Variants in SRSF7 observed in about 807,000 individuals in gnomAD.
SRSF7 encodes serine and arginine rich splicing factor 7.
A neutral mutation model predicts 42.2 loss-of-function variants in SRSF7; 15 were observed. That is an observed-to-expected ratio of 0.36 (90% confidence interval 0.24 to 0.55). SRSF7 has a LOEUF of 0.55. Among genes scored for constraint, SRSF7 ranks in the 20% least tolerant of loss-of-function variants. The probability of loss-of-function intolerance (pLI) is 0.88; values close to 1 mark genes in which losing one functional copy is unlikely to be tolerated. For missense variants in SRSF7, 181 were observed against 305.9 expected (o/e 0.59, Z 3.04); for synonymous variants, 138 against 107.9 (o/e 1.28, Z -1.73).
intron 2 of SRSF7, 21 bp from the exon 3 acceptor site, chr2:38,749,726 A>G: frequency 5.3e-6 from 8 of 1,520,518 alleles, no homozygotes; most frequent in Non-Finnish European, 7.0e-6. Flanking sequence ...CAAATTAACA[A>G]AATTCTAAAG....
At position 38,745,104 on chromosome 2, in the gene SRSF7, C is replaced by G; in HGVS notation, c.*29G>C. On this transcript the variant is annotated 3_prime_UTR_variant, in exon 8 of 8. Transcript: ENST00000313117. ...CCTTATAATAATGTAAACAAAATAA[C>G]TTTTCCCTAAAGGGTGAACTTGAGA... The G allele has an allele frequency of 1.2e-6, 2 of 1,612,376 alleles. No homozygotes were observed. The highest frequency in any genetic ancestry group is 1.7e-6 in the Non-Finnish European group (2 of 1,178,802).
chr2:38,749,651 T>A lies in SRSF7; in HGVS notation c.264A>T (p.Arg88Ser). Residue 88 changes from arginine (R) to serine (S), a missense_variant, in exon 3 of 8, where the codon AGA becomes AGT. Physicochemically the swap from Arg to Ser is moderately radical, Grantham distance 110. Around this residue, in one of 2 missense-constraint regions of SRSF7, gnomAD observed 45 missense variants for 158.1 expected, o/e 0.28. Coordinates refer to ENST00000313117, the MANE Select transcript of SRSF7 (RefSeq NM_001031684.3). Reference protein sequence around the residue: ...RVELSTGMPRRSRFDRPPARR... With the variant: ...RVELSTGMPRSSRFDRPPARR... ...GGGCAGGTGGTCTATCAAAACGTGA[T>A]CTCCGAGGCATGCCTGTCGATAGTT... The A allele has an allele frequency of 6.2e-7, 1 of 1,600,108 alleles. No homozygotes were observed. Among genetic ancestry groups the A allele is most frequent in the Non-Finnish European group, 8.5e-7 (1 of 1,176,150 alleles).
At chr2:38,750,250 C>T in intron 1 of SRSF7, 56 bp from the exon 2 acceptor site, 2 of 1,523,772 alleles carry the variant, frequency 1.3e-6, no homozygotes, top group Non-Finnish European at 1.8e-6. Context: ...GCCCAAGTTT[C>T]AATTACTTAT....
chr2:38,751,362 G>A (rs572433196), upstream of SRSF7: 23 of 1,507,110 alleles, frequency 1.5e-5, no homozygotes, highest in African/African-American at 8.2e-5. Flanking sequence ...GCGGCACTAC[G>A]AGGAAGAGCC....
chr2:38,750,274 G>A, intron 1 of SRSF7, 80 bp from the exon 2 acceptor site: 2 of 1,351,836 alleles, frequency 1.5e-6, no homozygotes, highest in East Asian at 2.3e-5. Context: ...CCTTAAAACG[G>A]GCCATCCTCA....
intron 5 of SRSF7, chr2:38,747,152 C>A: frequency 2.1e-6 from 1 of 470,846 alleles, no homozygotes; most frequent in South Asian, 1.6e-5. Context: ...TGAAAATAAC[C>A]AGACCCCTGA....
rs147806516 is a variant in SRSF7 at position 38,748,168 on chromosome 2, G to A, written c.462-11C>T. On this transcript the variant is annotated splice_polypyrimidine_tract_variant and intron_variant, in intron 4 of 7. Coordinates refer to ENST00000313117, the MANE Select transcript of SRSF7 (RefSeq NM_001031684.3). ...GATGCTGACCTTGACCTAAAATAAA[G>A]AACTTTAAGTCCATCTCCACAGTTT... 5.1e-6 allele frequency: 8 copies of A among 1,565,486 alleles called. No individual in the cohort carries two copies. The highest frequency in any genetic ancestry group is 2.2e-5 in the East Asian group (1 of 44,460).
Position 38,744,927 on chromosome 2 carries a change from T to TA in SRSF7, c.*205dup. 2.1e-6 allele frequency: 1 copy of TA among 477,274 alleles called. No homozygotes were observed. Among genetic ancestry groups the TA allele is most frequent in the Non-Finnish European group, 3.6e-6 (1 of 275,364 alleles). 29.6% of individuals were successfully genotyped at this position (477,274 alleles called of 1,614,324 possible). A position where few individuals can be genotyped will look rare whatever the true frequency, so the allele number is the denominator to read the frequency against. On this transcript the variant is annotated 3_prime_UTR_variant, in exon 8 of 8. Transcript: ENST00000313117. ...AAACATTTTATTTAAATGTGCCAAA[T>TA]AAAAACCCACATTTTCAGACCATAT...
chr2:38,749,349 G>A, intron 3 of SRSF7, 180 bp downstream of exon 3: 2 of 1,536,840 alleles, frequency 1.3e-6, no homozygotes, highest in Non-Finnish European at 1.8e-6. Flanking sequence ...GAAGAAACCT[G>A]AAAGGTTTTG....
At chr2:38,746,064 G>T in intron 7 of SRSF7, 80 bp downstream of exon 7, 1 of 1,416,628 alleles carries the variant, frequency 7.1e-7, no homozygotes. Context: ...AGAGCTCAAA[G>T]ACTGCAAAGC....
chr2:38,748,723 G>C, intron 3 of SRSF7, 70 bp from the exon 4 acceptor site: 2 of 1,473,588 alleles, frequency 1.4e-6, no homozygotes, highest in Non-Finnish European at 1.9e-6. Context: ...GTGTGCCTCT[G>C]CTGAAATCAA....
chr2:38,746,829 G>A, intron 5 of SRSF7, 82 bp from the exon 6 acceptor site: 1 of 1,583,518 alleles, frequency 6.3e-7, no homozygotes, highest in Non-Finnish European at 8.6e-7. Context: ...TATTAGGTTG[G>A]TCAGGCATAA....
rs1201671154 is a variant in SRSF7 at position 38,745,189 on chromosome 2, T to G, written c.663-2A>C. On this transcript the variant is annotated splice_acceptor_variant, in intron 7 of 7. Transcript: ENST00000313117. LOFTEE classifies it high-confidence loss of function. ...CGAGGACTTCCTGATGGGGAACGAC[T>G]AAAAAGAAAAACATTAGGTTTGGAT... 6.2e-7 allele frequency: 1 copy of G among 1,614,086 alleles called. No homozygotes were observed.
intron 1 of SRSF7, 27 bp downstream of exon 1, chr2:38,751,202 G>T (rs775536642): frequency 1.2e-6 from 2 of 1,613,828 alleles, no homozygotes; most frequent in Non-Finnish European, 1.7e-6. Context: ...CCACACCAAC[G>T]TCCCTCACCG....
At position 38,751,323 on chromosome 2, in the gene SRSF7, A is replaced by C; in HGVS notation, c.-67T>G. 12 of 1,608,858 alleles carry C rather than the reference A, an allele frequency of 7.5e-6. No homozygotes were observed. In the African/African-American group the frequency reaches 8.0e-5, roughly 11 times the overall value. ...CAGGGCTCGAGTGACGCAAAAGCTG[A>C]CACACACCTTCACCCGCCAAGAGTC... On this transcript the variant is annotated 5_prime_UTR_variant, in exon 1 of 8. Coordinates refer to ENST00000313117, the MANE Select transcript of SRSF7 (RefSeq NM_001031684.3).
In SRSF7 at chr2:38,749,628, G is replaced by A; in HGVS notation, c.287C>T (p.Ala96Val). The change falls in exon 3 of 8, where the codon GCC becomes GTC. Residue 96 changes from alanine (A) to valine (V), a missense_variant. This residue lies in a region of SRSF7 where 45 missense variants were observed against 158.1 expected (regional missense o/e 0.28). Coordinates refer to ENST00000313117, the MANE Select transcript of SRSF7 (RefSeq NM_001031684.3). ...ATCATTTGGATCAAAGGGACGTCGG[G>A]CAGGTGGTCTATCAAAACGTGATCT... ...PRRSRFDRPPARRPFDPNDRC... is the reference protein window; with the variant it reads ...PRRSRFDRPPVRRPFDPNDRC... 6.2e-7 allele frequency: 1 copy of A among 1,608,150 alleles called. No individual in the cohort carries two copies. The highest frequency in any genetic ancestry group is 1.7e-5 in the Admixed American group (1 of 58,072).
rs776874652 is a variant in SRSF7, at chr2:38,749,365, GTTGA to G, written c.386+160_386+163del. On this transcript the variant is annotated intron_variant, in intron 3 of 7. Transcript: ENST00000313117. ...AAGAAACCTGAAAGGTTTTGACCAG[GTTGA>G]TTATTAATATAGTAACATTTTTTTA... 3.0e-3 allele frequency: 4,623 copies of G among 1,542,820 alleles called. 9 individuals carry two copies. Among genetic ancestry groups the G allele is most frequent in the Non-Finnish European group, 3.7e-3 (4,233 of 1,143,070 alleles).
intron 3 of SRSF7, chr2:38,749,108 CGGA>C: frequency 7.6e-7 from 1 of 1,315,402 alleles, no homozygotes; most frequent in African/African-American, 1.5e-5. Flanking sequence ...CTTTCTAAAC[CGGA>C]GGGGGGCCCC....
chr2:38,750,996 G>A, intron 1 of SRSF7: 1 of 529,374 alleles, frequency 1.9e-6, no homozygotes, highest in Admixed American at 3.1e-5. Flanking sequence ...CCTGCTTTAG[G>A]CTGGATTGGG....
Sources: allele counts gnomAD v4.1 joint callset, GRCh38; gene constraint gnomAD v4.1.1; regional missense constraint gnomAD v4.1.1; transcripts MANE v1.5; gene names NCBI Gene and HGNC (gene_info 2026-07-23, HGNC 2026-07-21).